EFR3B: variants seen among roughly 807,000 people sequenced by gnomAD.
EFR3B encodes protein EFR3 homolog B.
EFR3B carries 64 observed loss-of-function variants against 104.7 expected under a neutral mutation model. The observed-to-expected ratio is 0.61, with a 90% CI of 0.50 to 0.75. The LOEUF (loss-of-function observed/expected upper bound fraction) is 0.75, where lower values mean the gene tolerates loss of function less well. EFR3B is among the 30% of genes least tolerant of loss of function. The pLI is 0.00. For synonymous variants in EFR3B, 385 were observed against 417.9 expected (o/e 0.92, Z 0.96); for missense variants, 750 against 1,078.5 (o/e 0.70, Z 4.27).
rs1396830189 is a variant in EFR3B at position 25,114,521 on chromosome 2, C to A, written c.364-7152C>A. On this transcript the variant is annotated intron_variant, in intron 4 of 22. Coordinates refer to ENST00000403714, the MANE Select transcript of EFR3B (RefSeq NM_014971.2). The surrounding 1 kb of genome is among the most constrained non-coding windows in gnomAD (Gnocchi z 4.0). ...AGTCTTACTAGAATATCTAACAGAGCAAGAGTCCTGGCAGCCCGAGGGAAT... is the reference window on the plus strand; with the variant it reads ...AGTCTTACTAGAATATCTAACAGAGAAAGAGTCCTGGCAGCCCGAGGGAAT... 6.6e-6 allele frequency among the ~76,000 whole-genome samples: 1 copy of A among 152,162 alleles called. No homozygotes were observed. Among genetic ancestry groups the A allele is most frequent in the Non-Finnish European group, 1.5e-5 (1 of 68,024 alleles).
chr2:25,100,151 C>G (rs1400853410), intron 3 of EFR3B, among the ~76,000 whole-genome samples: 1 of 152,006 alleles, frequency 6.6e-6, no homozygotes, highest in East Asian at 1.9e-4. Context: ...TTGTAGTGAG[C>G]CGAGATTGCG....
intron 4 of EFR3B, among the ~76,000 whole-genome samples, chr2:25,119,819 T>C (rs1457709557): frequency 6.6e-6 from 1 of 152,210 alleles, no homozygotes; most frequent in Non-Finnish European, 1.5e-5. Context: ...CTGCTAATTT[T>C]CATCCAGAAA....
intron 1 of EFR3B, among the ~76,000 whole-genome samples, chr2:25,048,210 C>T (rs1001151067): frequency 9.9e-5 from 15 of 152,016 alleles, no homozygotes; most frequent in East Asian, 3.9e-4. Flanking sequence ...GATGGGGTCC[C>T]GCTATATTGC....
intron 1 of EFR3B, among the ~76,000 whole-genome samples, chr2:25,071,182 G>A (rs996816791): frequency 6.6e-6 from 1 of 151,432 alleles, no homozygotes; most frequent in African/African-American, 2.4e-5. Context: ...GGATGGTCTT[G>A]ATCTCCTGAC....
At chr2:25,053,787 G>A (rs545750858) in intron 1 of EFR3B, among the ~76,000 whole-genome samples, 1 of 152,266 alleles carries the variant, frequency 6.6e-6, no homozygotes, top group African/African-American at 2.4e-5. Context: ...TGTGCCTGTA[G>A]TCCCAGCTAC....
In EFR3B at chr2:25,135,591, T is replaced by C; in HGVS notation, c.1436T>C (p.Ile479Thr). Residue 479 changes from isoleucine (I) to threonine (T), a missense_variant, in exon 13 of 23, where the codon ATC (isoleucine) becomes ACC (threonine). Coordinates refer to ENST00000403714, the MANE Select transcript of EFR3B (RefSeq NM_014971.2). ...EIRLFVLEILISFIDRHGNRH... is the reference protein window; with the variant it reads ...EIRLFVLEILTSFIDRHGNRH... ...CGACTCTTTGTTCTAGAGATTCTCA[T>C]CAGTTTCATTGATCGTCATGGCAAC... is the stretch of plus-strand genomic sequence containing the variant. 6.4e-7 allele frequency: 1 copy of C among 1,551,984 alleles called. No homozygotes were observed.
intron 1 of EFR3B, among the ~76,000 whole-genome samples, chr2:25,073,679 G>C (rs992880937): frequency 6.6e-6 from 1 of 152,160 alleles, no homozygotes; most frequent in African/African-American, 2.4e-5. Flanking sequence ...AATGCCTGCT[G>C]TACACTGAGA....
intron 1 of EFR3B, among the ~76,000 whole-genome samples, chr2:25,060,634 C>T (rs1573171029): frequency 1.3e-5 from 2 of 152,138 alleles, no homozygotes; most frequent in East Asian, 3.9e-4. Context: ...AAACTAGCCA[C>T]TGTCGGCCGG....
At chr2:25,141,290 A>C (rs2149210282) in intron 16 of EFR3B, 76 bp from the exon 17 acceptor site, 1 of 1,471,812 alleles carries the variant, frequency 6.8e-7, no homozygotes, top group African/African-American at 1.4e-5. Context: ...CGAGCCGGGC[A>C]TGGGAGCTCT....
At chr2:25,070,349 C>T (rs1464594124) in intron 1 of EFR3B, among the ~76,000 whole-genome samples, 2 of 152,256 alleles carry the variant, frequency 1.3e-5, no homozygotes, top group East Asian at 3.9e-4. Flanking sequence ...GCAACCTCCG[C>T]CTCCCGGGTT....
rs555641603 is a variant in EFR3B, at chr2:25,074,799, T to C, written c.8-16526T>C. 2.6e-5 allele frequency among the ~76,000 whole-genome samples: 4 copies of C among 152,024 alleles called. No individual in the cohort carries two copies. The South Asian group carries it at 8.3e-4, about 32-fold the overall frequency. The stretch of plus-strand genomic sequence containing the variant: ...ATTAGGCTAATTTTTGTATTTTTAG[T>C]AGAGATGGGGTTTTACCATGTTCGC... On this transcript the variant is annotated intron_variant, in intron 1 of 22. Coordinates refer to ENST00000403714, the MANE Select transcript of EFR3B (RefSeq NM_014971.2).
Position 25,137,807 on chromosome 2 carries a change from C to T in EFR3B, c.1722+305C>T, listed in dbSNP as rs1481131048. ...AGTCTCTCGCAGAGTCTGAGTGAGA[C>T]TCCAGGGATTCTTAAAAGGATGCTC... On this transcript the variant is annotated intron_variant, in intron 15 of 22. Transcript: ENST00000403714. The surrounding 1 kb of genome is among the most constrained non-coding windows in gnomAD (Gnocchi z 4.7). Among the ~76,000 whole-genome samples the T allele has an allele frequency of 6.6e-6, 1 of 152,208 alleles. No homozygotes were observed. Among genetic ancestry groups the T allele is most frequent in the Non-Finnish European group, 1.5e-5 (1 of 68,040 alleles).
In EFR3B at chr2:25,148,944, A is replaced by AG. The variant is rs1387491946; in HGVS notation, c.2143-750_2143-749insG. Among the ~76,000 whole-genome samples, 581 of 145,072 alleles carry AG rather than the reference A, an allele frequency of 4.0e-3. 10 individuals are homozygous for AG. Among genetic ancestry groups the AG allele is most frequent in the African/African-American group, 0.014 (564 of 39,182 alleles). ...CTCAAAAAAAAAAAAAAAAAAAAAA[A>AG]AAAGACTTCAGAACTGATATTCAGT... On this transcript the variant is annotated intron_variant, in intron 19 of 22. Transcript: ENST00000403714.
chr2:25,143,584 TG>T, intron 17 of EFR3B, 150 bp from the exon 18 acceptor site: 1 of 941,300 alleles, frequency 1.1e-6, no homozygotes, highest in Non-Finnish European at 1.5e-6. Context: ...CGCTTGAACC[TG>T]GAAGGCGGAG....
At chr2:25,107,864 G>T (rs1669608765) in intron 4 of EFR3B, among the ~76,000 whole-genome samples, 1 of 149,324 alleles carries the variant, frequency 6.7e-6, no homozygotes, top group Non-Finnish European at 1.5e-5. Context: ...TTATTTTTGA[G>T]ATGGGGTCTC....
intron 1 of EFR3B, among the ~76,000 whole-genome samples, chr2:25,073,360 CTTT>C (rs33951017): frequency 1.4e-5 from 2 of 140,880 alleles, no homozygotes. Context: ...CTATTTAATA[CTTT>C]TTTTTTTTTT....
chr2:25,069,212 C>T (rs751495421), intron 1 of EFR3B, among the ~76,000 whole-genome samples: 1 of 152,090 alleles, frequency 6.6e-6, no homozygotes, highest in Non-Finnish European at 1.5e-5. Context: ...CTGGCCTGTA[C>T]TGGAGTCACT....
intron 1 of EFR3B, among the ~76,000 whole-genome samples, chr2:25,043,819 G>A (rs1452396003): frequency 6.6e-6 from 1 of 152,238 alleles, no homozygotes; most frequent in Non-Finnish European, 1.5e-5. Context: ...GCCTGAAGCT[G>A]CAGATCATTT....
At position 25,130,584 on chromosome 2, in the gene EFR3B, A is replaced by T; in HGVS notation, c.803A>T (p.Lys268Met). ...HLDNHSLWEP[K>M]VFAIRCFKII... ...GATAACCATTCTCTTTGGGAACCCAAGGTGTTTGCCATCCGTTGCTTTAAA... is the reference window on the plus strand; with the variant it reads ...GATAACCATTCTCTTTGGGAACCCATGGTGTTTGCCATCCGTTGCTTTAAA... The change falls in exon 8 of 23, where the codon AAG (lysine) becomes ATG (methionine). Residue 268 changes from lysine to methionine, a missense_variant. Lys to Met is a moderately conservative substitution (Grantham distance 95, BLOSUM62 -1). Transcript: ENST00000403714. The surrounding 1 kb of genome is among the most constrained non-coding windows in gnomAD (Gnocchi z 4.6). The T allele has an allele frequency of 1.3e-6, 2 of 1,551,718 alleles. No homozygotes were observed. Among genetic ancestry groups the T allele is most frequent in the Non-Finnish European group, 1.7e-6 (2 of 1,147,002 alleles).
Sources: allele counts gnomAD v4.1 joint callset (sites outside exome capture counted in the v4.1 genomes callset), GRCh38; gene constraint gnomAD v4.1.1; non-coding constraint Gnocchi (gnomAD v3.1); transcripts MANE v1.5; gene names NCBI Gene and HGNC (gene_info 2026-07-23, HGNC 2026-07-21).